The following KCTD8 variants were observed in gnomAD, a reference collection of about 807,000 sequenced individuals.
KCTD8 encodes potassium channel tetramerization domain containing 8.
In KCTD8, 27 loss-of-function variants were observed where a neutral mutation model predicts 31.5. The observed-to-expected ratio is 0.86, with a 90% CI of 0.63 to 1.18. The LOEUF (loss-of-function observed/expected upper bound fraction) is 1.18. KCTD8 is among the 50% of genes most tolerant of loss of function. The pLI is 0.00. For synonymous variants in KCTD8, 290 were observed against 280.0 expected (o/e 1.04, Z -0.36); for missense variants, 658 against 647.7 (o/e 1.02, Z -0.17).
intron 1 of KCTD8, among the ~76,000 whole-genome samples, chr4:44,234,337 C>G (rs1177070352): frequency 2.0e-5 from 3 of 152,164 alleles, no homozygotes; most frequent in Admixed American, 6.6e-5. Flanking sequence ...AGGCTCCAAT[C>G]TACTCTAGAG....
intron 1 of KCTD8, among the ~76,000 whole-genome samples, chr4:44,345,866 A>C: frequency 6.6e-6 from 1 of 152,142 alleles, no homozygotes; most frequent in Non-Finnish European, 1.5e-5. Flanking sequence ...ACTGATTTAT[A>C]CATCATCTAG....
chr4:44,445,844 G>C (rs1721923860), intron 1 of KCTD8, among the ~76,000 whole-genome samples: 1 of 152,136 alleles, frequency 6.6e-6, no homozygotes, highest in Admixed American at 6.5e-5. Flanking sequence ...AATCTAAAAA[G>C]TTGTTGACAA....
At chr4:44,211,431 C>T (rs1356920126) in intron 1 of KCTD8, among the ~76,000 whole-genome samples, 2 of 152,088 alleles carry the variant, frequency 1.3e-5, no homozygotes, top group Non-Finnish European at 2.9e-5. Flanking sequence ...AATAAAAATG[C>T]TGTTACAACT....
At chr4:44,216,158 T>C (rs1714645987) in intron 1 of KCTD8, among the ~76,000 whole-genome samples, 1 of 152,184 alleles carries the variant, frequency 6.6e-6, no homozygotes, top group Non-Finnish European at 1.5e-5. Flanking sequence ...CACTATGCTA[T>C]AGAAACAATC....
intron 1 of KCTD8, among the ~76,000 whole-genome samples, chr4:44,295,255 C>A (rs1040236954): frequency 3.9e-5 from 6 of 152,198 alleles, no homozygotes; most frequent in African/African-American, 1.4e-4. Flanking sequence ...ATGACTGTGC[C>A]ACTGCACTCC....
intron 1 of KCTD8, among the ~76,000 whole-genome samples, chr4:44,198,127 A>T (rs77664927): frequency 0.041 from 6,202 of 152,244 alleles, 291 homozygotes; most frequent in East Asian, 0.16. Context: ...AAAAAAATAA[A>T]CAAAACCTCT....
At chr4:44,241,476 T>C (rs1353289241) in intron 1 of KCTD8, among the ~76,000 whole-genome samples, 1 of 152,210 alleles carries the variant, frequency 6.6e-6, no homozygotes, top group African/African-American at 2.4e-5. Context: ...GTGGAAAGTG[T>C]TGAATAGGGT....
chr4:44,404,540 C>T (rs909579922), intron 1 of KCTD8, among the ~76,000 whole-genome samples: 1 of 152,036 alleles, frequency 6.6e-6, no homozygotes. Context: ...ACTACATAAA[C>T]CCTGTATAGA....
chr4:44,445,102 A>G (rs538571385), intron 1 of KCTD8, among the ~76,000 whole-genome samples: 1 of 152,320 alleles, frequency 6.6e-6, no homozygotes, highest in South Asian at 2.1e-4. Flanking sequence ...AGATAAACAC[A>G]TTTGGTCATC....
At chr4:44,263,835 C>A (rs1006003499) in intron 1 of KCTD8, among the ~76,000 whole-genome samples, 14 of 152,170 alleles carry the variant, frequency 9.2e-5, no homozygotes, top group Non-Finnish European at 1.5e-4. Flanking sequence ...GGCAGCTGTA[C>A]TCTTTCCTTA....
chr4:44,370,909 C>T (rs1240678217), intron 1 of KCTD8, among the ~76,000 whole-genome samples: 1 of 152,044 alleles, frequency 6.6e-6, no homozygotes, highest in Non-Finnish European at 1.5e-5. Context: ...ATAGAAGATA[C>T]TGTAAACTGA....
At chr4:44,271,902 G>C (rs1214038208) in intron 1 of KCTD8, among the ~76,000 whole-genome samples, 1 of 151,946 alleles carries the variant, frequency 6.6e-6, no homozygotes, top group African/African-American at 2.4e-5. Context: ...CACTCCACAA[G>C]CTATATTTCT....
chr4:44,293,310 G>A (rs776048545), intron 1 of KCTD8: 7 of 363,640 alleles, frequency 1.9e-5, no homozygotes, highest in Non-Finnish European at 2.7e-5. Flanking sequence ...AAATTACTGA[G>A]TCCAAATGCT....
intron 1 of KCTD8, among the ~76,000 whole-genome samples, chr4:44,195,318 A>G (rs549686061): frequency 6.6e-6 from 1 of 152,306 alleles, no homozygotes; most frequent in South Asian, 2.1e-4. Flanking sequence ...TTTCAATACA[A>G]TTGTAGCTGT....
At chr4:44,386,270 A>C (rs1720208307) in intron 1 of KCTD8, among the ~76,000 whole-genome samples, 1 of 151,638 alleles carries the variant, frequency 6.6e-6, no homozygotes, top group South Asian at 2.1e-4. Context: ...CGCCATATTC[A>C]CAATAGCCAA....
intron 1 of KCTD8, among the ~76,000 whole-genome samples, chr4:44,236,336 G>T (rs1332510200): frequency 6.6e-6 from 1 of 152,206 alleles, no homozygotes; most frequent in Non-Finnish European, 1.5e-5. Context: ...CAGATGCAGG[G>T]TTCCAGGATG....
At chr4:44,380,784 G>T (rs1007785358) in intron 1 of KCTD8, among the ~76,000 whole-genome samples, 2 of 151,864 alleles carry the variant, frequency 1.3e-5, no homozygotes. Context: ...TGTCTAGATT[G>T]AAGATGATTC....
chr4:44,215,989 A>C (rs1714641238), intron 1 of KCTD8, among the ~76,000 whole-genome samples: 1 of 152,184 alleles, frequency 6.6e-6, no homozygotes, highest in Non-Finnish European at 1.5e-5. Flanking sequence ...CTGAAACCAA[A>C]AGGCACTTTA....
chr4:44,315,393 T>C (rs77365051), intron 1 of KCTD8, among the ~76,000 whole-genome samples: 1,978 of 152,146 alleles, frequency 0.013, 28 homozygotes, highest in Non-Finnish European at 0.018. Flanking sequence ...TACAAAAAGG[T>C]TAAACCACAG....
Sources: allele counts gnomAD v4.1 joint callset (sites outside exome capture counted in the v4.1 genomes callset), GRCh38; gene constraint gnomAD v4.1.1; transcripts MANE v1.5; gene names NCBI Gene and HGNC (gene_info 2026-07-23, HGNC 2026-07-21).